FGGY: variants seen among roughly 807,000 people sequenced by gnomAD.
FGGY encodes FGGY carbohydrate kinase domain-containing protein.
Under a neutral mutation model 71.3 loss-of-function variants are expected in FGGY, and 72 were observed. The ratio of observed to expected loss-of-function variants is 1.01; its 90% confidence interval spans 0.84 to 1.23. The LOEUF is 1.23. FGGY is among the 50% of genes most tolerant of loss of function. FGGY has a pLI of 0.00. For missense variants in FGGY, 668 were observed against 682.3 expected, an observed-to-expected ratio of 0.98 and a Z score of 0.23; for synonymous variants, 251 against 250.3, an observed-to-expected ratio of 1.00 and a Z score of -0.02.
chr1:59,573,965 C>G (rs544360024), intron 8 of FGGY, among the ~76,000 whole-genome samples: 4 of 152,274 alleles, frequency 2.6e-5, no homozygotes, highest in Non-Finnish European at 5.9e-5. Context: ...TCTTGCATTA[C>G]TGTTTCTAGT....
intron 6 of FGGY, among the ~76,000 whole-genome samples, chr1:59,464,041 C>A (rs748962765): frequency 5.3e-5 from 8 of 152,174 alleles, no homozygotes; most frequent in Non-Finnish European, 7.3e-5. Flanking sequence ...GAACTCTCCA[C>A]CCCTAATCAA....
At chr1:59,539,085 C>T (rs1007000323) in intron 7 of FGGY, among the ~76,000 whole-genome samples, 4 of 152,010 alleles carry the variant, frequency 2.6e-5, no homozygotes, top group Admixed American at 2.0e-4. Context: ...TGTAAGACAT[C>T]TATGCAGAAA....
chr1:59,671,634 G>T (rs2097378441), intron 13 of FGGY, among the ~76,000 whole-genome samples: 1 of 152,170 alleles, frequency 6.6e-6, no homozygotes, highest in African/African-American at 2.4e-5. Context: ...TCAGAAGTAA[G>T]GTAAACTTTA....
intron 14 of FGGY, among the ~76,000 whole-genome samples, chr1:59,697,404 A>G (rs1449351471): frequency 6.6e-6 from 1 of 152,114 alleles, no homozygotes; most frequent in East Asian, 1.9e-4. Context: ...GTCTCTGTGA[A>G]TTTAACTACT....
chr1:59,436,508 C>T (rs2068513143), intron 5 of FGGY, among the ~76,000 whole-genome samples: 1 of 152,194 alleles, frequency 6.6e-6, no homozygotes, highest in Non-Finnish European at 1.5e-5. Flanking sequence ...TCATCTCATT[C>T]TTCTTCTGCC....
chr1:59,482,707 A>G (rs939464411), intron 6 of FGGY, among the ~76,000 whole-genome samples: 2 of 151,762 alleles, frequency 1.3e-5, no homozygotes, highest in African/African-American at 2.4e-5. Context: ...TATAATTACC[A>G]TGAAGTGCCA....
chr1:59,720,737 A>G (rs975925898), intron 14 of FGGY, among the ~76,000 whole-genome samples: 10 of 152,172 alleles, frequency 6.6e-5, no homozygotes, highest in African/African-American at 2.2e-4. Flanking sequence ...AGGGAGGTAT[A>G]TTATGAAGGA....
At chr1:59,646,598 G>A (rs960708184) in intron 11 of FGGY, among the ~76,000 whole-genome samples, 9 of 150,608 alleles carry the variant, frequency 6.0e-5, no homozygotes, top group African/African-American at 2.2e-4. Flanking sequence ...TGACTAATTC[G>A]CCAGCTGGTA....
At chr1:59,491,248 T>C (rs1165564855) in intron 6 of FGGY, among the ~76,000 whole-genome samples, 1 of 151,360 alleles carries the variant, frequency 6.6e-6, no homozygotes, top group Non-Finnish European at 1.5e-5. Context: ...CTTTTTTCTA[T>C]TTCTGTGAAG....
intron 6 of FGGY, among the ~76,000 whole-genome samples, chr1:59,481,038 A>G (rs912527206): frequency 6.6e-6 from 1 of 150,802 alleles, no homozygotes; most frequent in African/African-American, 2.5e-5. Flanking sequence ...TATAATTTAT[A>G]AGTTCAATAG....
chr1:59,478,466 T>G (rs1170245799), intron 6 of FGGY, among the ~76,000 whole-genome samples: 1 of 152,222 alleles, frequency 6.6e-6, no homozygotes, highest in Non-Finnish European at 1.5e-5. Flanking sequence ...CTACTAGTTA[T>G]AAGCTGTCTG....
Position 59,387,949 on chromosome 1 carries a change from C to T in FGGY, c.554+9112C>T, listed in dbSNP as rs189441744. Among the ~76,000 whole-genome samples the T allele has an allele frequency of 2.9e-3, 436 of 152,268 alleles. 1 individual carries two copies. Among genetic ancestry groups the T allele is most frequent in the African/African-American group, 9.8e-3 (408 of 41,564 alleles). On this transcript the variant is annotated intron_variant, in intron 5 of 15. Coordinates refer to ENST00000303721, the MANE Select transcript of FGGY (RefSeq NM_018291.5). ...GGATTCAGAGGGCCACTCACTCTTT[C>T]TTGCTATTGGAGTTCTGACTGATAG...
intron 1 of FGGY, among the ~76,000 whole-genome samples, chr1:59,301,099 A>G (rs1035969701): frequency 6.6e-6 from 1 of 152,202 alleles, no homozygotes. Context: ...TGACCCGTGG[A>G]CACAGTATAT....
intron 9 of FGGY, among the ~76,000 whole-genome samples, chr1:59,616,577 C>T (rs936477071): frequency 1.3e-5 from 2 of 152,042 alleles, no homozygotes; most frequent in Non-Finnish European, 2.9e-5. Flanking sequence ...CACATGTATA[C>T]ATATGTAACA....
chr1:59,325,366 CAA>C (rs2047237901), intron 2 of FGGY, among the ~76,000 whole-genome samples: 2 of 60,912 alleles, frequency 3.3e-5, no homozygotes, highest in African/African-American at 1.4e-4. Flanking sequence ...CCAACAACAG[CAA>C]CAACAACAAC....
intron 7 of FGGY, among the ~76,000 whole-genome samples, chr1:59,547,142 G>T (rs1188759021): frequency 1.3e-5 from 2 of 148,726 alleles, no homozygotes; most frequent in African/African-American, 2.5e-5. Context: ...TAGTAAAGAC[G>T]GGGTTTCACC....
At chr1:59,370,735 G>C (rs1418486364) in intron 4 of FGGY, among the ~76,000 whole-genome samples, 2 of 151,530 alleles carry the variant, frequency 1.3e-5, no homozygotes, top group Non-Finnish European at 2.9e-5. Flanking sequence ...AGCCAGAAGA[G>C]AGTGGGGGCC....
At chr1:59,451,006 C>G (rs1488870689) in intron 5 of FGGY, among the ~76,000 whole-genome samples, 3 of 152,188 alleles carry the variant, frequency 2.0e-5, no homozygotes, top group Middle Eastern at 6.8e-3. Context: ...TCAGCCCATT[C>G]ACATTTGATG....
chr1:59,544,268 C>T (rs1016673623), intron 7 of FGGY, among the ~76,000 whole-genome samples: 1 of 152,060 alleles, frequency 6.6e-6, no homozygotes. Context: ...TTATGTTAGG[C>T]TTGATGAAGA....
Sources: gnomAD v4.1 joint callset for allele counts (sites outside exome capture counted in the v4.1 genomes callset) on GRCh38, gnomAD v4.1.1 for gene constraint, MANE v1.5 for transcripts, NCBI Gene and HGNC (gene_info 2026-07-23, HGNC 2026-07-21) for gene names.